The following LMX1A variants were observed in gnomAD, a reference collection of about 807,000 sequenced individuals.
LMX1A encodes LIM homeobox transcription factor 1 alpha.
Under a neutral mutation model 49.1 loss-of-function variants are expected in LMX1A, and 15 were observed. The observed-to-expected ratio is 0.31, with a 90% confidence interval of 0.20 to 0.47. The LOEUF (loss-of-function observed/expected upper bound fraction) is 0.47, where lower values mean the gene tolerates loss of function less well. Ranked by LOEUF, LMX1A falls within the 20% of genes least tolerant of loss-of-function variation. The pLI is 1.00. For synonymous variants in LMX1A, 167 were observed against 185.7 expected, an observed-to-expected ratio of 0.90 and a Z score of 0.82; for missense variants, 372 against 475.8, an observed-to-expected ratio of 0.78 and a Z score of 2.03.
chr1:165,354,002 C>A (rs1656515334), intron 2 of LMX1A, among the ~76,000 whole-genome samples: 3 of 152,220 alleles, frequency 2.0e-5, no homozygotes, highest in Admixed American at 6.5e-5. Flanking sequence ...AAACGGGCCT[C>A]AAAGTGACTC....
chr1:165,308,511 C>G (rs556588737), intron 3 of LMX1A, among the ~76,000 whole-genome samples: 1 of 152,200 alleles, frequency 6.6e-6, no homozygotes, highest in Non-Finnish European at 1.5e-5. Flanking sequence ...ATAGGAAAGA[C>G]ATTGAATCTC....
intron 3 of LMX1A, among the ~76,000 whole-genome samples, chr1:165,256,896 C>T (rs747185835): frequency 5.9e-5 from 9 of 151,860 alleles, no homozygotes; most frequent in East Asian, 2.0e-4. Flanking sequence ...GCAGGCATTA[C>T]GGTAGCAAGA....
intron 3 of LMX1A, among the ~76,000 whole-genome samples, chr1:165,302,938 G>T (rs1654819716): frequency 6.6e-6 from 1 of 152,106 alleles, no homozygotes; most frequent in Admixed American, 6.6e-5. Flanking sequence ...GATCCCCTTA[G>T]CCTATGTTGT....
chr1:165,268,840 A>T (rs1653703873), intron 3 of LMX1A, among the ~76,000 whole-genome samples: 1 of 152,252 alleles, frequency 6.6e-6, no homozygotes, highest in South Asian at 2.1e-4. Flanking sequence ...AGCTGTCTAC[A>T]TGTGCTTCAC....
intron 3 of LMX1A, among the ~76,000 whole-genome samples, chr1:165,314,715 C>T (rs971588296): frequency 3.3e-5 from 5 of 152,150 alleles, no homozygotes; most frequent in African/African-American, 1.2e-4. Flanking sequence ...GTCTCCACAT[C>T]CACAAGATTT....
In LMX1A at chr1:165,204,096, T is replaced by C. The variant is rs540298141; in HGVS notation, c.989-56A>G. The C allele has an allele frequency of 1.3e-5, 20 of 1,570,722 alleles. No individual in the cohort carries two copies. In the Admixed American group the frequency reaches 3.1e-4, roughly 24 times the overall value. On this transcript the variant is annotated intron_variant, in intron 8 of 8. Coordinates refer to ENST00000342310, the MANE Select transcript of LMX1A (RefSeq NM_177398.4). ...GTCTTGAAGAAGTGACTCATTTCAG[T>C]GCTAGGATATTCAGCTGAATTCAAC...
chr1:165,345,555 C>T (rs1044491734), intron 3 of LMX1A, among the ~76,000 whole-genome samples: 3 of 152,068 alleles, frequency 2.0e-5, no homozygotes, highest in African/African-American at 7.2e-5. Flanking sequence ...AGTAGCAGGA[C>T]ATAATCCAGC....
At chr1:165,256,187 C>T (rs933485004) in intron 3 of LMX1A, among the ~76,000 whole-genome samples, 1 of 152,088 alleles carries the variant, frequency 6.6e-6, no homozygotes, top group South Asian at 2.1e-4. Context: ...CAAATCGGAT[C>T]GAAGCAGTAT....
rs928897934 is a variant in LMX1A at position 165,278,529 on chromosome 1, G to GT, written c.264-28890dup. ...AAACACTGGATTTTTGCTGCCACAA[G>GT]TTTTTTTTTCCTTCCTGCCTGCTGC... On this transcript the variant is annotated intron_variant, in intron 3 of 8. Transcript: ENST00000342310. Among the ~76,000 whole-genome samples, 28 of 151,712 alleles carry GT rather than the reference G, an allele frequency of 1.8e-4. No homozygotes were observed. In the East Asian group the frequency reaches 3.1e-3, roughly 17 times the overall value.
At chr1:165,220,895 CTCA>C in intron 4 of LMX1A, among the ~76,000 whole-genome samples, 1 of 152,228 alleles carries the variant, frequency 6.6e-6, no homozygotes, top group African/African-American at 2.4e-5. Flanking sequence ...GATAAAATTC[CTCA>C]TGTCTCTGAG....
intron 3 of LMX1A, among the ~76,000 whole-genome samples, chr1:165,316,684 T>A (rs1341013623): frequency 6.6e-6 from 1 of 152,126 alleles, no homozygotes; most frequent in Non-Finnish European, 1.5e-5. Flanking sequence ...TTCATCCACA[T>A]CCAGGCGGTT....
intron 3 of LMX1A, among the ~76,000 whole-genome samples, chr1:165,262,002 A>G (rs1653454360): frequency 6.6e-6 from 1 of 152,224 alleles, no homozygotes; most frequent in Admixed American, 6.5e-5. Flanking sequence ...ACACTTAATA[A>G]TGGTTGAGAT....
chr1:165,226,737 AGTT>A (rs1652049696), intron 4 of LMX1A, among the ~76,000 whole-genome samples: 1 of 152,228 alleles, frequency 6.6e-6, no homozygotes, highest in African/African-American at 2.4e-5. Flanking sequence ...GCATCTGAGA[AGTT>A]GTACATAGAC....
At chr1:165,258,467 T>C (rs577606224) in intron 3 of LMX1A, among the ~76,000 whole-genome samples, 51 of 152,240 alleles carry the variant, frequency 3.3e-4, no homozygotes, top group African/African-American at 1.2e-3. Flanking sequence ...TGGCAGGATC[T>C]TCTATAGGAG....
At chr1:165,218,637 A>G (rs768352797) in intron 4 of LMX1A, 1 of 152,250 alleles carries the variant, frequency 6.6e-6, no homozygotes, top group Admixed American at 6.5e-5. Context: ...CTCCATGAAA[A>G]TATGCAGTGC....
At chr1:165,238,681 A>C (rs1652536668) in intron 4 of LMX1A, among the ~76,000 whole-genome samples, 1 of 152,216 alleles carries the variant, frequency 6.6e-6, no homozygotes, top group South Asian at 2.1e-4. Flanking sequence ...GGGGTCTCTC[A>C]GGTAGTAAGT....
chr1:165,346,067 T>A (rs1210188321), intron 3 of LMX1A, among the ~76,000 whole-genome samples: 4 of 152,206 alleles, frequency 2.6e-5, no homozygotes, highest in Non-Finnish European at 4.4e-5. Context: ...AGATACAGCA[T>A]GTGGTCCATT....
chr1:165,280,323 G>A (rs1654108653), intron 3 of LMX1A, among the ~76,000 whole-genome samples: 1 of 152,088 alleles, frequency 6.6e-6, no homozygotes. Flanking sequence ...GTAAATGGTG[G>A]TGCTTTTAAA....
At chr1:165,274,095 C>T (rs945561765) in intron 3 of LMX1A, among the ~76,000 whole-genome samples, 5 of 152,182 alleles carry the variant, frequency 3.3e-5, no homozygotes, top group African/African-American at 9.7e-5. Context: ...TAATCTCATC[C>T]TAGCTTGACT....
Sources: allele counts gnomAD v4.1 joint callset (sites outside exome capture counted in the v4.1 genomes callset), GRCh38; gene constraint gnomAD v4.1.1; transcripts MANE v1.5; gene names NCBI Gene and HGNC (gene_info 2026-07-23, HGNC 2026-07-21).